Variants in SLC26A7 observed in about 807,000 individuals in gnomAD.
The protein encoded by SLC26A7 is solute carrier family 26 member 7.
A neutral mutation model predicts 82.5 loss-of-function variants in SLC26A7; 59 were observed. The ratio of observed to expected loss-of-function variants is 0.72; its 90% CI spans 0.58 to 0.89. The LOEUF is 0.89. Among genes scored for constraint, SLC26A7 ranks in the 40% least tolerant of loss-of-function variants. The pLI is 0.00. For missense variants in SLC26A7, 820 were observed against 793.0 expected (o/e 1.03, Z -0.41); for synonymous variants, 271 against 274.3 (o/e 0.99, Z 0.12).
At chr8:91,303,423 T>C (rs1812221389) in intron 4 of SLC26A7, among the ~76,000 whole-genome samples, 1 of 152,188 alleles carries the variant, frequency 6.6e-6, no homozygotes, top group Non-Finnish European at 1.5e-5. Flanking sequence ...GGACAAGATT[T>C]CTGCCATGGG....
intron 2 of SLC26A7, among the ~76,000 whole-genome samples, chr8:91,254,929 A>T (rs1299459389): frequency 1.3e-5 from 2 of 152,152 alleles, no homozygotes; most frequent in East Asian, 1.9e-4. Flanking sequence ...GTAGAGAATG[A>T]CATTGACTTA....
intron 15 of SLC26A7, among the ~76,000 whole-genome samples, chr8:91,373,751 A>G (rs1814430010): frequency 6.6e-6 from 1 of 151,916 alleles, no homozygotes; most frequent in African/African-American, 2.4e-5. Context: ...AATGAGTTAG[A>G]GAGGACTCTC....
intron 1 of SLC26A7, among the ~76,000 whole-genome samples, chr8:91,211,614 ATATT>A (rs1249927961): frequency 1.4e-5 from 2 of 140,748 alleles, no homozygotes; most frequent in South Asian, 2.2e-4. Context: ...ATATATATAT[ATATT>A]TTTTTTTTAT....
intron 14 of SLC26A7, among the ~76,000 whole-genome samples, chr8:91,367,961 C>A (rs1586460699): frequency 6.6e-6 from 1 of 152,152 alleles, no homozygotes; most frequent in Non-Finnish European, 1.5e-5. Flanking sequence ...TAATTTGTAC[C>A]ATAGAAACCT....
rs941339601 is a variant in SLC26A7 at position 91,274,534 on chromosome 8, G to T, written c.194-14602G>T. Among the ~76,000 whole-genome samples the T allele has an allele frequency of 4.4e-4, 67 of 152,188 alleles. 3 individuals are homozygous for T. The highest frequency in any genetic ancestry group is 1.5e-5 in the Non-Finnish European group (1 of 68,024). Reference sequence around the variant, plus strand: ...ATAGAGAGCACCAAGGAATGCAAGAGTGTGTGCAAGAGAGGGTGACCTCAC... The same window carrying T: ...ATAGAGAGCACCAAGGAATGCAAGATTGTGTGCAAGAGAGGGTGACCTCAC... On this transcript the variant is annotated intron_variant, in intron 2 of 18. Coordinates refer to ENST00000276609, the MANE Select transcript of SLC26A7 (RefSeq NM_052832.4).
chr8:91,317,374 T>C (rs1297011380), intron 4 of SLC26A7, among the ~76,000 whole-genome samples: 2 of 152,174 alleles, frequency 1.3e-5, no homozygotes, highest in Non-Finnish European at 2.9e-5. Context: ...TCAACACATA[T>C]GTCTCTACCC....
At chr8:91,282,320 T>C (rs1477349764) in intron 2 of SLC26A7, among the ~76,000 whole-genome samples, 1 of 152,160 alleles carries the variant, frequency 6.6e-6, no homozygotes, top group Non-Finnish European at 1.5e-5. Context: ...ACGGAATTTC[T>C]ACGTGTTGCT....
At chr8:91,354,944 T>A (rs1813821798) in intron 11 of SLC26A7, among the ~76,000 whole-genome samples, 1 of 152,118 alleles carries the variant, frequency 6.6e-6, no homozygotes. Flanking sequence ...GTTATTTATT[T>A]CATCTCTGTT....
chr8:91,365,424 A>T (rs1337487044), intron 13 of SLC26A7, among the ~76,000 whole-genome samples: 1 of 152,210 alleles, frequency 6.6e-6, no homozygotes, highest in Non-Finnish European at 1.5e-5. Flanking sequence ...CATGGGTTGG[A>T]CAAGTTTGAC....
In SLC26A7 at chr8:91,343,913, A is replaced by T. The variant is rs1045300562; in HGVS notation, c.1140+447A>T. On this transcript the variant is annotated intron_variant, in intron 9 of 18. Coordinates refer to ENST00000276609, the MANE Select transcript of SLC26A7 (RefSeq NM_052832.4). ...AATGAATAATAAGATATCTGCACAT[A>T]TTTTAAGTTAAACAATTATATTTTT... 5 of 489,276 alleles carry T rather than the reference A, an allele frequency of 1.0e-5. No homozygotes were observed. In the African/African-American group the frequency reaches 1.0e-4, roughly 10 times the overall value. 30.3% of individuals were successfully genotyped at this position (489,276 alleles called of 1,614,324 possible).
intron 11 of SLC26A7, 97 bp from the exon 12 acceptor site, chr8:91,362,256 C>T: frequency 1.3e-6 from 1 of 777,724 alleles, no homozygotes; most frequent in Non-Finnish European, 2.0e-6. Flanking sequence ...GATTTGGTCA[C>T]AAGAGTGTTA....
intron 16 of SLC26A7, among the ~76,000 whole-genome samples, chr8:91,393,041 A>G (rs776829013): frequency 3.9e-5 from 6 of 152,182 alleles, no homozygotes; most frequent in Non-Finnish European, 8.8e-5. Context: ...TGAATGTACA[A>G]TGCACACTAT....
At chr8:91,359,969 T>C (rs1814004537) in intron 11 of SLC26A7, among the ~76,000 whole-genome samples, 1 of 152,080 alleles carries the variant, frequency 6.6e-6, no homozygotes. Flanking sequence ...CATGGAAAAT[T>C]AGAAACTGTT....
intron 2 of SLC26A7, among the ~76,000 whole-genome samples, chr8:91,234,745 CT>C (rs549340130): frequency 6.6e-6 from 1 of 151,648 alleles, no homozygotes; most frequent in Non-Finnish European, 1.5e-5. Flanking sequence ...GTCATTGTTT[CT>C]TTCTCTTTCT....
intron 15 of SLC26A7, among the ~76,000 whole-genome samples, chr8:91,372,941 G>A (rs532473688): frequency 3.3e-5 from 5 of 151,782 alleles, no homozygotes; most frequent in East Asian, 3.9e-4. Context: ...GGCCTTTCAC[G>A]TCCTTGTGTA....
At chr8:91,384,346 C>G (rs1217563840) in intron 15 of SLC26A7, among the ~76,000 whole-genome samples, 1 of 152,126 alleles carries the variant, frequency 6.6e-6, no homozygotes, top group Non-Finnish European at 1.5e-5. Context: ...GATGTGGTCT[C>G]TTCTGTCACC....
chr8:91,325,612 C>T (rs936371766), intron 5 of SLC26A7, among the ~76,000 whole-genome samples: 3 of 152,188 alleles, frequency 2.0e-5, no homozygotes, highest in Middle Eastern at 3.4e-3. Flanking sequence ...GAGAAGAGCT[C>T]GTATGCCTGA....
chr8:91,324,223 T>C (rs1438439904), intron 5 of SLC26A7, among the ~76,000 whole-genome samples: 1 of 152,256 alleles, frequency 6.6e-6, no homozygotes, highest in Non-Finnish European at 1.5e-5. Context: ...AAATGTTTAA[T>C]GATGTATAAT....
intron 15 of SLC26A7, among the ~76,000 whole-genome samples, chr8:91,371,362 A>G (rs1814355985): frequency 6.6e-6 from 1 of 151,748 alleles, no homozygotes; most frequent in Admixed American, 6.6e-5. Context: ...AGTACCCAAT[A>G]AGTAGTTTTT....
Sources: allele counts gnomAD v4.1 joint callset (sites outside exome capture counted in the v4.1 genomes callset), GRCh38; gene constraint gnomAD v4.1.1; transcripts MANE v1.5; gene names NCBI Gene and HGNC (gene_info 2026-07-23, HGNC 2026-07-21).